Variants in NRXN3 observed in about 807,000 individuals in gnomAD.
NRXN3 encodes neurexin 3.
A neutral mutation model predicts 137.6 loss-of-function variants in NRXN3; 32 were observed. The ratio of observed to expected loss-of-function variants is 0.23; its 90% CI spans 0.18 to 0.31. NRXN3 has a LOEUF of 0.31. Among genes scored for constraint, NRXN3 ranks in the 10% least tolerant of loss-of-function variants. NRXN3 has a pLI of 1.00. For missense variants in NRXN3, 1,574 were observed against 2,062.5 expected, an observed-to-expected ratio of 0.76 and a Z score of 4.59; for synonymous variants, 798 against 784.5, an observed-to-expected ratio of 1.02 and a Z score of -0.29.
intron 14 of NRXN3, among the ~76,000 whole-genome samples, chr14:78,971,377 C>T (rs966945064): frequency 6.6e-6 from 1 of 151,900 alleles, no homozygotes; most frequent in Non-Finnish European, 1.5e-5. Context: ...AGACCAGAAT[C>T]TCTTCAAGAT....
chr14:79,668,730 A>AT (rs1227637391), intron 17 of NRXN3, among the ~76,000 whole-genome samples: 3 of 152,162 alleles, frequency 2.0e-5, no homozygotes, highest in Admixed American at 6.5e-5. Flanking sequence ...TGTTTTGCAC[A>AT]TTGCAGGATG....
At chr14:78,895,973 C>T (rs1405216587) in intron 10 of NRXN3, among the ~76,000 whole-genome samples, 1 of 151,762 alleles carries the variant, frequency 6.6e-6, no homozygotes, top group Admixed American at 6.6e-5. Context: ...CAAAGATCAC[C>T]ATCTCAGATA....
intron 4 of NRXN3, among the ~76,000 whole-genome samples, chr14:78,335,687 T>A (rs1204533051): frequency 6.6e-6 from 1 of 152,162 alleles, no homozygotes; most frequent in Admixed American, 6.5e-5. Flanking sequence ...TTTAGTTTGC[T>A]GAGCATAAAG....
intron 4 of NRXN3, among the ~76,000 whole-genome samples, chr14:78,303,413 A>G (rs180873134): frequency 6.6e-6 from 1 of 152,278 alleles, no homozygotes; most frequent in Admixed American, 6.5e-5. Flanking sequence ...TGTGTCTAGC[A>G]TAGTGTGTTC....
At chr14:78,926,788 AT>A (rs1399462488) in intron 10 of NRXN3, among the ~76,000 whole-genome samples, 1 of 26,460 alleles carries the variant, frequency 3.8e-5, no homozygotes, top group South Asian at 9.6e-4. Flanking sequence ...TATAAAATAT[AT>A]TATATATTAT....
At chr14:79,033,088 C>T (rs1337359266) in intron 15 of NRXN3, among the ~76,000 whole-genome samples, 1 of 152,070 alleles carries the variant, frequency 6.6e-6, no homozygotes, top group Non-Finnish European at 1.5e-5. Flanking sequence ...CGTGTACATG[C>T]TGTTCCCTTT....
intron 4 of NRXN3, among the ~76,000 whole-genome samples, chr14:78,360,845 C>T (rs1417634305): frequency 6.6e-6 from 1 of 152,142 alleles, no homozygotes; most frequent in Non-Finnish European, 1.5e-5. Flanking sequence ...GTTAATTGCT[C>T]CTGATGCAGT....
Position 79,867,376 on chromosome 14 carries a change from C to T in NRXN3, c.*5412C>T, listed in dbSNP as rs1197810881. The T allele has an allele frequency of 6.6e-6, 1 of 152,206 alleles. No individual in the cohort carries two copies. Among genetic ancestry groups the T allele is most frequent in the Admixed American group, 6.5e-5 (1 of 15,280 alleles). 9.4% of individuals were successfully genotyped at this position (152,206 alleles called of 1,614,324 possible). A position where few individuals can be genotyped will look rare whatever the true frequency, so the allele number is the denominator to read the frequency against. ...CAGTTCCAGAAACAAAGTTGCAGAT[C>T]AAAGTTTGTTAGGGCTCAGTTTCTG... On this transcript the variant is annotated 3_prime_UTR_variant, in exon 21 of 21. Coordinates refer to ENST00000335750, the MANE Select transcript of NRXN3 (RefSeq NM_001330195.2).
intron 15 of NRXN3, among the ~76,000 whole-genome samples, chr14:79,013,976 G>A (rs2099575151): frequency 6.6e-6 from 1 of 152,134 alleles, no homozygotes; most frequent in African/African-American, 2.4e-5. Context: ...AAAGGACACT[G>A]AATCAAAGGT....
chr14:78,484,657 T>C (rs1380411846), intron 4 of NRXN3, among the ~76,000 whole-genome samples: 3 of 152,036 alleles, frequency 2.0e-5, no homozygotes, highest in Non-Finnish European at 4.4e-5. Flanking sequence ...AGTTGGGGTT[T>C]GGGTTTAGGG....
intron 15 of NRXN3, among the ~76,000 whole-genome samples, chr14:79,178,635 C>T (rs1041884798): frequency 1.3e-5 from 2 of 152,080 alleles, no homozygotes; most frequent in African/African-American, 4.8e-5. Flanking sequence ...TAGATGAAAT[C>T]TAATTTAAGT....
At chr14:79,228,365 A>AT (rs2071461538) in intron 15 of NRXN3, among the ~76,000 whole-genome samples, 1 of 151,790 alleles carries the variant, frequency 6.6e-6, no homozygotes, top group Non-Finnish European at 1.5e-5. Flanking sequence ...CTAAAAAAAA[A>AT]TTAAAAATAA....
chr14:78,847,913 A>C (rs2152471535), intron 10 of NRXN3, among the ~76,000 whole-genome samples: 1 of 152,238 alleles, frequency 6.6e-6, no homozygotes, highest in South Asian at 2.1e-4. Flanking sequence ...CAGAGGATTT[A>C]GGAAAGAACT....
intron 16 of NRXN3, among the ~76,000 whole-genome samples, chr14:79,527,293 CA>C (rs397954192): frequency 0.044 from 2,560 of 58,636 alleles, 19 homozygotes; most frequent in East Asian, 0.13. Flanking sequence ...GACTCTGTCT[CA>C]AAAAAAAAAA....
Position 78,918,920 on chromosome 14 carries a change from A to G in NRXN3, c.2276-38322A>G, listed in dbSNP as rs544999690. ...GTTCACACAAAGATGAAATCACCCA[A>G]TGATGCATTTCTTAGAATATTTCCT... On this transcript the variant is annotated intron_variant, in intron 10 of 20. Transcript: ENST00000335750. Among the ~76,000 whole-genome samples the G allele has an allele frequency of 1.3e-3, 196 of 152,288 alleles. 1 individual carries two copies. The highest frequency in any genetic ancestry group is 4.2e-3 in the African/African-American group (176 of 41,558).
At chr14:78,509,668 G>T (rs1266699242) in intron 4 of NRXN3, among the ~76,000 whole-genome samples, 1 of 152,064 alleles carries the variant, frequency 6.6e-6, no homozygotes, top group African/African-American at 2.4e-5. Context: ...CCTCCAGAGG[G>T]ACCTGCAGCA....
In NRXN3 at chr14:78,794,211, G is replaced by A. The variant is rs962120403; in HGVS notation, c.2045-9409G>A. Among the ~76,000 whole-genome samples, 10 of 151,974 alleles carry A rather than the reference G, an allele frequency of 6.6e-5. No individual in the cohort carries two copies. The East Asian group carries it at 1.2e-3, about 18-fold the overall frequency. ...CAGCCTGACCAACATGGGAAACCCC[G>A]TCTCTACTAAAAATACAAAAATTAG... On this transcript the variant is annotated intron_variant, in intron 8 of 20. Transcript: ENST00000335750.
chr14:79,350,625 G>A (rs557269598), intron 15 of NRXN3, among the ~76,000 whole-genome samples: 1 of 152,048 alleles, frequency 6.6e-6, no homozygotes, highest in Non-Finnish European at 1.5e-5. Context: ...TGTTTTCATA[G>A]GTTTTTTTTA....
chr14:78,658,017 G>C (rs2097798795), intron 6 of NRXN3, among the ~76,000 whole-genome samples: 1 of 151,918 alleles, frequency 6.6e-6, no homozygotes, highest in South Asian at 2.1e-4. Flanking sequence ...TAATTCGTTT[G>C]TTTCCCAAGC....
Sources: gnomAD v4.1 joint callset for allele counts (sites outside exome capture counted in the v4.1 genomes callset) on GRCh38, gnomAD v4.1.1 for gene constraint, MANE v1.5 for transcripts, NCBI Gene and HGNC (gene_info 2026-07-23, HGNC 2026-07-21) for gene names.